The following ENOX1 variants were observed in gnomAD, a reference collection of about 807,000 sequenced individuals.
The protein encoded by ENOX1 is ecto-NOX disulfide-thiol exchanger 1, also known as candidate growth-related and time keeping constitutive hydroquinone (NADH) oxidase.
ENOX1 carries 42 observed loss-of-function variants against 82.5 expected under a neutral mutation model. That is an observed-to-expected ratio of 0.51 (90% CI 0.40 to 0.66). The LOEUF is 0.66. ENOX1 is among the 30% of genes least tolerant of loss of function. The pLI is 0.00. For synonymous variants in ENOX1, 271 were observed against 282.2 expected (o/e 0.96, Z 0.40); for missense variants, 608 against 811.6 (o/e 0.75, Z 3.05).
intron 3 of ENOX1, among the ~76,000 whole-genome samples, chr13:43,469,411 C>T: frequency 6.6e-6 from 1 of 151,846 alleles, no homozygotes; most frequent in East Asian, 1.9e-4. Context: ...GAATAGTGGT[C>T]TACAGTTTCC....
In ENOX1 at chr13:43,725,190, G is replaced by A. The variant is rs9533600; in HGVS notation, c.-284-57646C>T. Among the ~76,000 whole-genome samples, 412 of 152,162 alleles carry A rather than the reference G, an allele frequency of 2.7e-3. 1 individual carries two copies. The highest frequency in any genetic ancestry group is 0.017 in the Middle Eastern group (5 of 294). ...TTTCTGATGAGTATTTAAAAAGAAG[G>A]GTAGAATCATTTTACTTTTAAATCC... On this transcript the variant is annotated intron_variant, in intron 1 of 16. Coordinates refer to ENST00000690772, the MANE Select transcript of ENOX1 (RefSeq NM_001347969.2).
At chr13:43,359,587 C>T (rs2050367918) in intron 7 of ENOX1, 1 of 465,098 alleles carries the variant, frequency 2.2e-6, no homozygotes, top group Admixed American at 3.4e-5. Context: ...TATTGCTTCT[C>T]ATCTAATAAG....
At chr13:43,566,395 T>A (rs1219554621) in intron 2 of ENOX1, among the ~76,000 whole-genome samples, 1 of 152,102 alleles carries the variant, frequency 6.6e-6, no homozygotes, top group Non-Finnish European at 1.5e-5. Flanking sequence ...ATGCAACCCA[T>A]CAATGCATAG....
chr13:43,504,850 G>A (rs1435821548), intron 2 of ENOX1, among the ~76,000 whole-genome samples: 2 of 151,410 alleles, frequency 1.3e-5, no homozygotes, highest in Non-Finnish European at 3.0e-5. Context: ...AACTTTTGGA[G>A]GTGATTAATA....
At chr13:43,267,279 G>A (rs1330908062) in intron 13 of ENOX1, among the ~76,000 whole-genome samples, 1 of 152,224 alleles carries the variant, frequency 6.6e-6, no homozygotes, top group African/African-American at 2.4e-5. Flanking sequence ...AAGCTCCAGA[G>A]GTAGGAAGCT....
At chr13:43,517,373 C>T (rs1429917479) in intron 2 of ENOX1, among the ~76,000 whole-genome samples, 1 of 152,100 alleles carries the variant, frequency 6.6e-6, no homozygotes, top group Non-Finnish European at 1.5e-5. Context: ...TGGTAGGTGC[C>T]TGTAACCCCA....
At chr13:43,688,911 G>A (rs981498347) in intron 1 of ENOX1, among the ~76,000 whole-genome samples, 1 of 152,144 alleles carries the variant, frequency 6.6e-6, no homozygotes, top group Non-Finnish European at 1.5e-5. Context: ...TAGGTAAGTT[G>A]TTTTAGTTAG....
intron 14 of ENOX1, among the ~76,000 whole-genome samples, chr13:43,247,383 A>C (rs953138905): frequency 1.3e-5 from 2 of 152,146 alleles, no homozygotes; most frequent in Non-Finnish European, 2.9e-5. Context: ...CTGAGGTCTT[A>C]GAAAGGCAGC....
intron 1 of ENOX1, among the ~76,000 whole-genome samples, chr13:43,731,100 C>T (rs1327873715): frequency 6.6e-6 from 1 of 152,088 alleles, no homozygotes; most frequent in East Asian, 1.9e-4. Flanking sequence ...AACGAGAAAC[C>T]AGTAATGACA....
chr13:43,223,835 T>C (rs968204826), intron 16 of ENOX1, among the ~76,000 whole-genome samples: 4 of 152,200 alleles, frequency 2.6e-5, no homozygotes, highest in African/African-American at 9.6e-5. Flanking sequence ...CTAAAAGTCA[T>C]TGTCATTTTA....
At chr13:43,672,785 T>C (rs1387126558) in intron 1 of ENOX1, among the ~76,000 whole-genome samples, 1 of 152,190 alleles carries the variant, frequency 6.6e-6, no homozygotes. Flanking sequence ...CCTAATTATA[T>C]AAAAACCACC....
chr13:43,608,174 T>G (rs750661839), intron 2 of ENOX1, among the ~76,000 whole-genome samples: 25 of 152,250 alleles, frequency 1.6e-4, no homozygotes, highest in Non-Finnish European at 3.1e-4. Context: ...ATCATTATTT[T>G]GAGGTCTAAG....
chr13:43,367,241 C>T (rs1246308531), intron 5 of ENOX1, among the ~76,000 whole-genome samples: 2 of 152,190 alleles, frequency 1.3e-5, no homozygotes, highest in African/African-American at 4.8e-5. Flanking sequence ...ACATCTAAAC[C>T]CGTCTGGCAT....
chr13:43,363,065 C>CT (rs897689322), intron 5 of ENOX1, among the ~76,000 whole-genome samples: 11 of 152,152 alleles, frequency 7.2e-5, no homozygotes, highest in African/African-American at 2.7e-4. Flanking sequence ...ACTGGATTAT[C>CT]TCTTGGAGTG....
chr13:43,387,424 A>G (rs75256242), intron 5 of ENOX1, among the ~76,000 whole-genome samples: 2,388 of 152,208 alleles, frequency 0.016, 53 homozygotes, highest in African/African-American at 0.053. Context: ...GCAAGAGCAA[A>G]CCTAGCATGT....
chr13:43,638,170 C>A (rs2083483596), intron 2 of ENOX1, among the ~76,000 whole-genome samples: 1 of 152,148 alleles, frequency 6.6e-6, no homozygotes. Context: ...AATAATGATA[C>A]ATCTTGTAAA....
chr13:43,746,721 G>A (rs1950041170), intron 1 of ENOX1, among the ~76,000 whole-genome samples: 1 of 152,146 alleles, frequency 6.6e-6, no homozygotes, highest in Admixed American at 6.6e-5. Context: ...AAACTAGTGG[G>A]TAACGGTGAA....
At chr13:43,316,321 G>A (rs2047479945) in intron 11 of ENOX1, among the ~76,000 whole-genome samples, 1 of 152,198 alleles carries the variant, frequency 6.6e-6, no homozygotes, top group Non-Finnish European at 1.5e-5. Flanking sequence ...AAGAGTATTA[G>A]GGAAAGTCCT....
At chr13:43,452,922 T>C (rs1055050234) in intron 3 of ENOX1, among the ~76,000 whole-genome samples, 10 of 152,192 alleles carry the variant, frequency 6.6e-5, no homozygotes, top group Non-Finnish European at 1.0e-4. Context: ...TTTAGATTAA[T>C]CCTGTTATAG....
Sources: gnomAD v4.1 joint callset for allele counts (sites outside exome capture counted in the v4.1 genomes callset) on GRCh38, gnomAD v4.1.1 for gene constraint, MANE v1.5 for transcripts, NCBI Gene and HGNC (gene_info 2026-07-23, HGNC 2026-07-21) for gene names.